ROBO1: variants seen among roughly 807,000 people sequenced by gnomAD.
The protein encoded by ROBO1 is roundabout homolog 1.
Under a neutral mutation model 195.9 loss-of-function variants are expected in ROBO1, and 149 were observed. That is an observed-to-expected ratio of 0.76 (90% CI 0.67 to 0.87). The LOEUF is 0.87. ROBO1 is among the 40% of genes least tolerant of loss of function. The pLI is 0.00. For missense variants in ROBO1, 1,933 were observed against 2,068.3 expected, an observed-to-expected ratio of 0.93 and a Z score of 1.27; for synonymous variants, 816 against 733.2, an observed-to-expected ratio of 1.11 and a Z score of -1.82.
intron 2 of ROBO1, among the ~76,000 whole-genome samples, chr3:79,234,223 C>T (rs534844005): frequency 1.3e-5 from 2 of 152,164 alleles, no homozygotes; most frequent in South Asian, 2.1e-4. Flanking sequence ...GTTTTTGTTG[C>T]AATTGCTTTT....
chr3:79,525,923 CTTAT>C (rs1347106664), intron 2 of ROBO1, among the ~76,000 whole-genome samples: 1 of 152,076 alleles, frequency 6.6e-6, no homozygotes, highest in African/African-American at 2.4e-5. Flanking sequence ...AAACTCTACA[CTTAT>C]TTAAGGCTCT....
chr3:78,612,236 A>G (rs986095347), intron 28 of ROBO1, among the ~76,000 whole-genome samples: 1 of 152,190 alleles, frequency 6.6e-6, no homozygotes, highest in Non-Finnish European at 1.5e-5. Flanking sequence ...ACAATAATCA[A>G]ACTCATCCAT....
intron 3 of ROBO1, among the ~76,000 whole-genome samples, chr3:79,092,400 T>C (rs192275720): frequency 1.3e-5 from 2 of 152,270 alleles, no homozygotes; most frequent in Admixed American, 6.5e-5. Flanking sequence ...CTGGTCTGTA[T>C]TTAAGTGATG....
chr3:78,963,609 C>T (rs1330081572), intron 3 of ROBO1, among the ~76,000 whole-genome samples: 6 of 148,686 alleles, frequency 4.0e-5, no homozygotes, highest in Non-Finnish European at 8.9e-5. Flanking sequence ...AGCTCCGCCT[C>T]CCGGGTTCAC....
chr3:79,306,103 C>A (rs530716089), intron 2 of ROBO1, among the ~76,000 whole-genome samples: 1 of 152,218 alleles, frequency 6.6e-6, no homozygotes, highest in South Asian at 2.1e-4. Context: ...CTTCATAAAT[C>A]TTTTGAACAG....
At chr3:79,221,050 C>T (rs987617628) in intron 2 of ROBO1, among the ~76,000 whole-genome samples, 9 of 152,002 alleles carry the variant, frequency 5.9e-5, no homozygotes, top group African/African-American at 2.2e-4. Context: ...CAAAATCACC[C>T]GCAGCTGAGA....
intron 1 of ROBO1, among the ~76,000 whole-genome samples, chr3:79,681,698 A>G (rs1946954387): frequency 1.3e-5 from 2 of 151,892 alleles, no homozygotes; most frequent in Non-Finnish European, 1.5e-5. Context: ...GGAGATGTGG[A>G]ATCCTGGAGA....
At chr3:79,595,473 A>G (rs1324950892) in intron 1 of ROBO1, among the ~76,000 whole-genome samples, 1 of 151,936 alleles carries the variant, frequency 6.6e-6, no homozygotes, top group African/African-American at 2.4e-5. Context: ...TTCTTTTCTT[A>G]CATATTTGGA....
At chr3:79,174,289 C>T (rs74806310) in intron 2 of ROBO1, among the ~76,000 whole-genome samples, 37 of 152,084 alleles carry the variant, frequency 2.4e-4, no homozygotes, top group Non-Finnish European at 4.9e-4. Context: ...CCCACTGAGA[C>T]GAAGGAACAA....
chr3:79,584,644 CAT>C (rs1943768517), intron 2 of ROBO1, among the ~76,000 whole-genome samples: 1 of 129,942 alleles, frequency 7.7e-6, no homozygotes, highest in African/African-American at 3.5e-5. Context: ...TGTGTATGTT[CAT>C]ACACACACAC....
rs936073148 is a variant in ROBO1 at position 78,972,941 on chromosome 3, T to C, written c.173-34014A>G. Among the ~76,000 whole-genome samples, 5 of 152,142 alleles carry C rather than the reference T, an allele frequency of 3.3e-5. No individual in the cohort carries two copies. In the East Asian group the frequency reaches 9.6e-4, roughly 29 times the overall value. On this transcript the variant is annotated intron_variant, in intron 3 of 30. Coordinates refer to ENST00000464233, the MANE Select transcript of ROBO1 (RefSeq NM_002941.4). ...GAGATGCCAAGCATCATGTTTGCTC[T>C]TGCACAGAAAAAAGATTTGTCTGTA...
intron 2 of ROBO1, among the ~76,000 whole-genome samples, chr3:79,566,223 C>A (rs1943086134): frequency 6.6e-6 from 1 of 152,098 alleles, no homozygotes; most frequent in African/African-American, 2.4e-5. Flanking sequence ...AACATTAGTT[C>A]TTTTAATTTA....
chr3:79,012,846 G>C (rs558737341), intron 3 of ROBO1, among the ~76,000 whole-genome samples: 2 of 152,126 alleles, frequency 1.3e-5, no homozygotes, highest in East Asian at 3.9e-4. Context: ...GTACACTACA[G>C]ATCATCTTTT....
intron 1 of ROBO1, among the ~76,000 whole-genome samples, chr3:79,650,711 GA>G (rs1314624944): frequency 3.3e-5 from 5 of 151,712 alleles, no homozygotes; most frequent in Non-Finnish European, 5.9e-5. Flanking sequence ...ATGGATAAAT[GA>G]AAATAGACCC....
intron 2 of ROBO1, among the ~76,000 whole-genome samples, chr3:79,183,016 G>A (rs938690586): frequency 2.0e-5 from 3 of 148,794 alleles, no homozygotes; most frequent in African/African-American, 7.5e-5. Flanking sequence ...AGGACGCGGA[G>A]TTTGCAGTGA....
chr3:79,426,281 C>T (rs915746801), intron 2 of ROBO1, among the ~76,000 whole-genome samples: 3 of 152,014 alleles, frequency 2.0e-5, no homozygotes, highest in African/African-American at 4.8e-5. Context: ...ACATAATATA[C>T]GCAAGTCCAG....
chr3:79,312,801 G>C (rs996109339), intron 2 of ROBO1, among the ~76,000 whole-genome samples: 2 of 151,298 alleles, frequency 1.3e-5, no homozygotes, highest in Non-Finnish European at 2.9e-5. Flanking sequence ...TGCTAACTTG[G>C]ATGAAAAAAA....
At chr3:79,399,368 T>G (rs2106770805) in intron 2 of ROBO1, among the ~76,000 whole-genome samples, 1 of 152,202 alleles carries the variant, frequency 6.6e-6, no homozygotes, top group Non-Finnish European at 1.5e-5. Flanking sequence ...TCCCACTGAC[T>G]TCTGAACAAG....
chr3:79,420,550 T>A (rs1413642067), intron 2 of ROBO1, among the ~76,000 whole-genome samples: 1 of 152,174 alleles, frequency 6.6e-6, no homozygotes, highest in Non-Finnish European at 1.5e-5. Flanking sequence ...AAAGTTCCTG[T>A]CATCCCAAAT....
Sources: gnomAD v4.1 joint callset for allele counts (sites outside exome capture counted in the v4.1 genomes callset) on GRCh38, gnomAD v4.1.1 for gene constraint, MANE v1.5 for transcripts, NCBI Gene and HGNC (gene_info 2026-07-23, HGNC 2026-07-21) for gene names.